LHFPL6: variants seen among roughly 807,000 people sequenced by gnomAD.
LHFPL6 encodes the protein LHFPL tetraspan subfamily member 6 protein.
In LHFPL6, 9 loss-of-function variants were observed where a neutral mutation model predicts 20.6. The ratio of observed to expected loss-of-function variants is 0.44; its 90% CI spans 0.26 to 0.76. The LOEUF is 0.76. LHFPL6 is among the 30% of genes least tolerant of loss of function. LHFPL6 has a pLI of 0.20. For missense variants in LHFPL6, 218 were observed against 253.5 expected (o/e 0.86, Z 0.95); for synonymous variants, 105 against 98.7 (o/e 1.06, Z -0.38).
chr13:39,563,411 G>GA lies in LHFPL6; in HGVS notation c.385+37420dup, dbSNP rs1871609668. On this transcript the variant is annotated intron_variant, in intron 2 of 3. Transcript: ENST00000379589. ...ATAGAGAGATACATCTTGTGCACAG[G>GA]AAAAAAGCAAGCATATTCCTAAGTG... Among the ~76,000 whole-genome samples, 4 of 152,126 alleles carry GA rather than the reference G, an allele frequency of 2.6e-5. No homozygotes were observed. The South Asian group carries it at 8.3e-4, about 32-fold the overall frequency.
intron 2 of LHFPL6, among the ~76,000 whole-genome samples, chr13:39,448,681 C>T (rs530594211): frequency 6.6e-6 from 1 of 152,302 alleles, no homozygotes; most frequent in East Asian, 1.9e-4. Context: ...GTTGTCCAAA[C>T]CATCATTCAT....
At chr13:39,445,523 T>C (rs867660185) in intron 2 of LHFPL6, among the ~76,000 whole-genome samples, 5 of 152,330 alleles carry the variant, frequency 3.3e-5, no homozygotes, top group South Asian at 2.1e-4. Context: ...CAGATTTCAA[T>C]AGACGTTTAG....
At chr13:39,350,167 G>A (rs902975655) in intron 3 of LHFPL6, among the ~76,000 whole-genome samples, 1 of 152,166 alleles carries the variant, frequency 6.6e-6, no homozygotes, top group African/African-American at 2.4e-5. Context: ...CACATCAGCT[G>A]TATTATTCTG....
chr13:39,383,153 C>A (rs1870484392), intron 2 of LHFPL6, among the ~76,000 whole-genome samples: 1 of 152,188 alleles, frequency 6.6e-6, no homozygotes, highest in South Asian at 2.1e-4. Context: ...ATTCTGTAAG[C>A]TCAGTGAAAT....
intron 2 of LHFPL6, among the ~76,000 whole-genome samples, chr13:39,469,335 C>T (rs181938610): frequency 2.6e-5 from 4 of 152,326 alleles, no homozygotes; most frequent in Admixed American, 6.5e-5. Flanking sequence ...CCTCTGCCAT[C>T]GGCAAACTGC....
chr13:39,572,269 G>A (rs1871943263), intron 2 of LHFPL6, among the ~76,000 whole-genome samples: 1 of 148,778 alleles, frequency 6.7e-6, no homozygotes. Context: ...CAGAGCCGTG[G>A]TAGTATATTT....
At chr13:39,511,344 A>G (rs763879941) in intron 2 of LHFPL6, among the ~76,000 whole-genome samples, 37 of 152,266 alleles carry the variant, frequency 2.4e-4, no homozygotes, top group Non-Finnish European at 4.4e-4. Flanking sequence ...TTGGCTAAAA[A>G]ATTGCAAATG....
chr13:39,503,951 A>G (rs1443480064), intron 2 of LHFPL6, among the ~76,000 whole-genome samples: 1 of 152,212 alleles, frequency 6.6e-6, no homozygotes, highest in Non-Finnish European at 1.5e-5. Context: ...CAGACCATGT[A>G]TAAATAAGAA....
At chr13:39,587,645 T>C (rs1872490518) in intron 2 of LHFPL6, among the ~76,000 whole-genome samples, 1 of 152,054 alleles carries the variant, frequency 6.6e-6, no homozygotes, top group South Asian at 2.1e-4. Flanking sequence ...CCATCCTAGA[T>C]ATTTCAAACA....
intron 2 of LHFPL6, 109 bp downstream of exon 2, chr13:39,600,723 T>C: frequency 2.6e-6 from 3 of 1,150,684 alleles, no homozygotes; most frequent in South Asian, 2.9e-5. Flanking sequence ...TCTATTTCTC[T>C]TATGCATTCC....
intron 3 of LHFPL6, among the ~76,000 whole-genome samples, chr13:39,349,099 T>C (rs1334212055): frequency 6.6e-6 from 1 of 152,158 alleles, no homozygotes; most frequent in African/African-American, 2.4e-5. Context: ...AACAACTGGT[T>C]AAGGTCCAAA....
chr13:39,448,700 T>C (rs1368026633), intron 2 of LHFPL6, among the ~76,000 whole-genome samples: 1 of 152,206 alleles, frequency 6.6e-6, no homozygotes, highest in African/African-American at 2.4e-5. Context: ...ATGAGAGAAC[T>C]CTAAATTCAG....
At chr13:39,555,339 T>C (rs891184880) in intron 2 of LHFPL6, among the ~76,000 whole-genome samples, 7 of 152,004 alleles carry the variant, frequency 4.6e-5, no homozygotes, top group African/African-American at 1.4e-4. Flanking sequence ...TTTTTTTTTT[T>C]TGCATTCTGC....
chr13:39,514,573 T>C (rs2138478763), intron 2 of LHFPL6, among the ~76,000 whole-genome samples: 1 of 152,220 alleles, frequency 6.6e-6, no homozygotes, highest in South Asian at 2.1e-4. Context: ...GAACACAAAA[T>C]TCACTGAAGA....
intron 2 of LHFPL6, among the ~76,000 whole-genome samples, chr13:39,559,564 A>G (rs1026792382): frequency 8.5e-5 from 13 of 152,230 alleles, no homozygotes; most frequent in Non-Finnish European, 1.3e-4. Flanking sequence ...AGCTCAGAGA[A>G]TAAGTGTGTA....
intron 2 of LHFPL6, among the ~76,000 whole-genome samples, chr13:39,451,626 C>T (rs971318636): frequency 1.3e-5 from 2 of 152,190 alleles, no homozygotes; most frequent in Non-Finnish European, 2.9e-5. Flanking sequence ...TACATAAAAG[C>T]TGTTTATAAC....
intron 2 of LHFPL6, among the ~76,000 whole-genome samples, chr13:39,516,002 T>C (rs1869899630): frequency 2.0e-5 from 3 of 152,210 alleles, no homozygotes; most frequent in African/African-American, 7.2e-5. Context: ...ACTTGATATA[T>C]TTAAATTAAA....
At chr13:39,366,138 A>G (rs1482803696) in intron 3 of LHFPL6, among the ~76,000 whole-genome samples, 1 of 152,186 alleles carries the variant, frequency 6.6e-6, no homozygotes. Context: ...TTCATAGCCT[A>G]TGACATATTG....
At chr13:39,461,438 A>G (rs1872685493) in intron 2 of LHFPL6, among the ~76,000 whole-genome samples, 1 of 152,166 alleles carries the variant, frequency 6.6e-6, no homozygotes, top group South Asian at 2.1e-4. Context: ...GGCTGAACTA[A>G]TCTCCATTCC....
Sources: gnomAD v4.1 joint callset for allele counts (sites outside exome capture counted in the v4.1 genomes callset) on GRCh38, gnomAD v4.1.1 for gene constraint, MANE v1.5 for transcripts, NCBI Gene and HGNC (gene_info 2026-07-23, HGNC 2026-07-21) for gene names.